CAPZB: variants seen among roughly 807,000 people sequenced by gnomAD.
CAPZB encodes the protein F-actin-capping protein subunit beta.
CAPZB carries 2 observed loss-of-function variants against 38.1 expected under a neutral mutation model. The ratio of observed to expected loss-of-function variants is 0.05; its 90% CI spans 0.02 to 0.17. CAPZB has a LOEUF of 0.17. Among genes scored for constraint, CAPZB ranks in the 10% least tolerant of loss-of-function variants. The pLI is 1.00. For missense variants in CAPZB, 161 were observed against 334.2 expected (o/e 0.48, Z 4.04); for synonymous variants, 107 against 127.4 (o/e 0.84, Z 1.08).
At chr1:19,414,034 CCAGT>C (rs2094368611) in intron 2 of CAPZB, among the ~76,000 whole-genome samples, 1 of 152,196 alleles carries the variant, frequency 6.6e-6, no homozygotes, top group South Asian at 2.1e-4. Flanking sequence ...CTTAACGTCA[CCAGT>C]CAATTACAAA....
chr1:19,426,015 C>T (rs890969635), intron 1 of CAPZB, among the ~76,000 whole-genome samples: 2 of 152,188 alleles, frequency 1.3e-5, no homozygotes, highest in African/African-American at 4.8e-5. Context: ...AGCAGGTGTG[C>T]CTTTCCAGGC....
At chr1:19,436,721 T>C (rs2100609415) in intron 1 of CAPZB, among the ~76,000 whole-genome samples, 1 of 152,338 alleles carries the variant, frequency 6.6e-6, no homozygotes, top group East Asian at 1.9e-4. Flanking sequence ...TTAAGGATTA[T>C]GTGGGGGTAA....
intron 1 of CAPZB, among the ~76,000 whole-genome samples, chr1:19,479,711 T>C (rs868388255): frequency 5.3e-5 from 8 of 152,284 alleles, no homozygotes; most frequent in South Asian, 2.1e-4. Context: ...CCAGGCCTCC[T>C]GCATGCACAG....
At chr1:19,417,998 C>T (rs2094386978) in intron 2 of CAPZB, among the ~76,000 whole-genome samples, 2 of 151,610 alleles carry the variant, frequency 1.3e-5, no homozygotes, top group Admixed American at 6.6e-5. Flanking sequence ...TAGCTGGGCA[C>T]GGTCGTGGGC....
rs146500770 is a variant in CAPZB, at chr1:19,380,364, T to C, written c.216-1711A>G. Reference sequence around the variant, plus strand: ...AGTTTTGGTAGAGACTTTGCAAGAATGGGGTGAGACACCCCCTGCTGCCCC... The same window carrying C: ...AGTTTTGGTAGAGACTTTGCAAGAACGGGGTGAGACACCCCCTGCTGCCCC... On this transcript the variant is annotated intron_variant, in intron 3 of 8. Coordinates refer to ENST00000264202, the MANE Select transcript of CAPZB (RefSeq NM_004930.5). 1.9e-3 allele frequency among the ~76,000 whole-genome samples: 282 copies of C among 152,346 alleles called. 1 individual carries two copies. The highest frequency in any genetic ancestry group is 6.3e-3 in the African/African-American group (261 of 41,586).
chr1:19,409,677 A>G (rs2094349019), intron 2 of CAPZB, among the ~76,000 whole-genome samples: 1 of 152,224 alleles, frequency 6.6e-6, no homozygotes. Flanking sequence ...CATCTGTCCA[A>G]TGGGGACAAC....
intron 3 of CAPZB, among the ~76,000 whole-genome samples, chr1:19,380,810 G>T (rs2094170208): frequency 6.6e-6 from 1 of 152,022 alleles, no homozygotes; most frequent in African/African-American, 2.4e-5. Context: ...TTCTCTTCGG[G>T]TTGCTCAGCA....
intron 1 of CAPZB, among the ~76,000 whole-genome samples, chr1:19,441,814 C>G (rs555575476): frequency 6.6e-6 from 1 of 152,088 alleles, no homozygotes; most frequent in Admixed American, 6.6e-5. Flanking sequence ...TCGAGACCAG[C>G]CTGGCAAACA....
intron 1 of CAPZB, among the ~76,000 whole-genome samples, chr1:19,480,239 T>C (rs1026273901): frequency 2.6e-5 from 4 of 152,188 alleles, no homozygotes; most frequent in Non-Finnish European, 4.4e-5. Flanking sequence ...TATTCTGTGG[T>C]ATGCAGAATA....
chr1:19,364,948 G>C (rs214308), intron 4 of CAPZB, among the ~76,000 whole-genome samples: 50,511 of 151,784 alleles, frequency 0.33, 9,286 homozygotes, highest in East Asian at 0.56. Flanking sequence ...CTGGGCTCAA[G>C]TGATCCTCCC....
At chr1:19,391,405 G>T (rs991177456) in intron 2 of CAPZB, among the ~76,000 whole-genome samples, 2 of 152,098 alleles carry the variant, frequency 1.3e-5, no homozygotes, top group Non-Finnish European at 2.9e-5. Flanking sequence ...CTGCCTGTTG[G>T]CCGAGAGCCC....
chr1:19,386,889 T>C (rs1221867786), intron 2 of CAPZB, among the ~76,000 whole-genome samples: 4 of 152,212 alleles, frequency 2.6e-5, no homozygotes, highest in Admixed American at 2.6e-4. Flanking sequence ...CTGTGTACAA[T>C]GTGCTGGGCT....
At chr1:19,362,654 AAAAAG>A (rs1430088376) in intron 4 of CAPZB, among the ~76,000 whole-genome samples, 1 of 152,166 alleles carries the variant, frequency 6.6e-6, no homozygotes, top group Admixed American at 6.5e-5. Flanking sequence ...AAAAAAAAGA[AAAAAG>A]AAAGAAAAAA....
At position 19,357,874 on chromosome 1, in the gene CAPZB, C is replaced by T. The variant is rs1489463920; in HGVS notation, c.330-311G>A. ...CTCCTCCCAGATAAAGAATGCAGCA[C>T]GACTGACATCCAGTGACAATCCATG... On this transcript the variant is annotated intron_variant, in intron 4 of 8. Transcript: ENST00000264202. This position sits in a 1 kb window ranked among gnomAD's most constrained non-coding sequence, Gnocchi z 4.3. Among the ~76,000 whole-genome samples the T allele has an allele frequency of 1.3e-5, 2 of 152,168 alleles. No individual in the cohort carries two copies. The highest frequency in any genetic ancestry group is 2.1e-4 in the South Asian group (1 of 4,828).
intron 6 of CAPZB, among the ~76,000 whole-genome samples, chr1:19,347,362 C>A (rs1042423707): frequency 1.1e-4 from 16 of 152,280 alleles, no homozygotes; most frequent in Non-Finnish European, 2.1e-4. Context: ...GAAAACACAA[C>A]TACTTAAATA....
Position 19,484,272 on chromosome 1 carries a change from G to C in CAPZB, c.3+1164C>G, listed in dbSNP as rs895570629. 9 of 1,611,776 alleles carry C rather than the reference G, an allele frequency of 5.6e-6. No individual in the cohort carries two copies. The African/African-American group carries it at 1.1e-4, about 19-fold the overall frequency. ...AGGGAAGGGGAGGCTGCGCCTGCTT[G>C]GGTGCATCGTGTCCAGGCCATATGC... On this transcript the variant is annotated intron_variant, in intron 1 of 8. Transcript: ENST00000264202.
At chr1:19,406,712 A>T (rs752021642) in intron 2 of CAPZB, among the ~76,000 whole-genome samples, 4 of 152,168 alleles carry the variant, frequency 2.6e-5, no homozygotes, top group Admixed American at 6.5e-5. Flanking sequence ...GGCATAAAAG[A>T]TCAACCTTGT....
intron 6 of CAPZB, among the ~76,000 whole-genome samples, chr1:19,349,849 C>G (rs1290257823): frequency 6.6e-6 from 1 of 152,142 alleles, no homozygotes; most frequent in Non-Finnish European, 1.5e-5. Context: ...TTCCACAGCC[C>G]CCTTGCCCGC....
intron 1 of CAPZB, among the ~76,000 whole-genome samples, chr1:19,478,055 A>G (rs1420986221): frequency 6.6e-6 from 1 of 152,228 alleles, no homozygotes; most frequent in African/African-American, 2.4e-5. Context: ...AGAGCAATTG[A>G]AGCAGAGGGT....
Sources: gnomAD v4.1 joint callset for allele counts (sites outside exome capture counted in the v4.1 genomes callset) on GRCh38, gnomAD v4.1.1 for gene constraint, Gnocchi (gnomAD v3.1) non-coding constraint, MANE v1.5 for transcripts, NCBI Gene and HGNC (gene_info 2026-07-23, HGNC 2026-07-21) for gene names.